GRIK4: variants seen among roughly 807,000 people sequenced by gnomAD.
GRIK4 encodes glutamate receptor ionotropic, kainate 4.
GRIK4 carries 40 observed loss-of-function variants against 104.9 expected under a neutral mutation model. The observed-to-expected ratio is 0.38, with a 90% CI of 0.30 to 0.50. The LOEUF is 0.50. GRIK4 is among the 20% of genes least tolerant of loss of function. The probability of loss-of-function intolerance (pLI) is 0.93; values close to 1 mark genes in which losing one functional copy is unlikely to be tolerated. For missense variants in GRIK4, 1,047 were observed against 1,308.1 expected (o/e 0.80, Z 3.08); for synonymous variants, 485 against 524.9 (o/e 0.92, Z 1.04).
rs535318201 is a variant in GRIK4 at position 120,513,897 on chromosome 11, G to C, written c.-159+2010G>C. ...CTTCCCCAGCAATGAAAATTCTTCC[G>C]AGAGCCTGGGTCGGCTTCGTGGTCT... On this transcript the variant is annotated intron_variant, in intron 1 of 20. Transcript: ENST00000527524. This position sits in a 1 kb window ranked among gnomAD's most constrained non-coding sequence, Gnocchi z 4.5. 6.6e-6 allele frequency among the ~76,000 whole-genome samples: 1 copy of C among 152,184 alleles called. No individual in the cohort carries two copies. Among genetic ancestry groups the C allele is most frequent in the Non-Finnish European group, 1.5e-5 (1 of 68,022 alleles).
chr11:120,650,741 A>G (rs1339003546), intron 1 of GRIK4, among the ~76,000 whole-genome samples: 1 of 152,232 alleles, frequency 6.6e-6, no homozygotes, highest in East Asian at 1.9e-4. Context: ...AGTAGTATTC[A>G]CTGAATAAAG....
intron 1 of GRIK4, among the ~76,000 whole-genome samples, chr11:120,616,676 G>T (rs1469359427): frequency 6.6e-6 from 1 of 152,256 alleles, no homozygotes; most frequent in East Asian, 1.9e-4. Flanking sequence ...CTCCAAAGGT[G>T]TCGGAAAACC....
intron 8 of GRIK4, among the ~76,000 whole-genome samples, chr11:120,855,780 C>T (rs1565394893): frequency 2.0e-5 from 3 of 152,216 alleles, no homozygotes; most frequent in Non-Finnish European, 2.9e-5. Flanking sequence ...CCAGGCTGGT[C>T]CCGGACTCCT....
chr11:120,887,382 A>G (rs1252263416), intron 11 of GRIK4, among the ~76,000 whole-genome samples: 1 of 152,218 alleles, frequency 6.6e-6, no homozygotes, highest in Non-Finnish European at 1.5e-5. Flanking sequence ...AAAGTAAAAA[A>G]GAATAAGCCC....
At chr11:120,849,160 C>T (rs928892713) in intron 8 of GRIK4, among the ~76,000 whole-genome samples, 12 of 151,172 alleles carry the variant, frequency 7.9e-5, no homozygotes, top group African/African-American at 1.9e-4. Flanking sequence ...GCCCCCAACG[C>T]GCGCACACAC....
In GRIK4 at chr11:120,819,763, C is replaced by G. The variant is rs1953061077; in HGVS notation, c.354C>G (p.His118Gln). 6.2e-7 allele frequency: 1 copy of G among 1,614,196 alleles called. No individual in the cohort carries two copies. Reference sequence around the variant, plus strand: ...TTTGCTCCTCTTGCCAGGTCCCTCACTTCAAAGTGGCCCCAGAGGAGTTCG... The same window carrying G: ...TTTGCTCCTCTTGCCAGGTCCCTCAGTTCAAAGTGGCCCCAGAGGAGTTCG... ...SNICGEKEVP[H>Q]FKVAPEEFVK... Residue 118 changes from histidine (H) to glutamine (Q), a missense_variant, in exon 6 of 21, where the codon CAC becomes CAG. His to Gln is a conservative substitution (Grantham distance 24). This residue lies in a region of GRIK4 where 447 missense variants were observed against 514.9 expected (regional missense o/e 0.87). Coordinates refer to ENST00000527524, the MANE Select transcript of GRIK4 (RefSeq NM_014619.5). The surrounding 1 kb of genome is among the most constrained non-coding windows in gnomAD (Gnocchi z 4.3).
Position 120,584,410 on chromosome 11 carries a change from C to T in GRIK4, c.-158-69275C>T, listed in dbSNP as rs146794402. ...AGGAAGCATGGTGCTGGTATCTGCT[C>T]AGCTTCTAGGGAGGCCTCAGGAAGC... On this transcript the variant is annotated intron_variant, in intron 1 of 20. Transcript: ENST00000527524. 8.0e-3 allele frequency among the ~76,000 whole-genome samples: 1,215 copies of T among 152,316 alleles called. 6 individuals carry two copies. The highest frequency in any genetic ancestry group is 0.014 in the Non-Finnish European group (935 of 68,026).
chr11:120,696,210 G>GA (rs2135320789), intron 3 of GRIK4, among the ~76,000 whole-genome samples: 1 of 152,316 alleles, frequency 6.6e-6, no homozygotes, highest in Non-Finnish European at 1.5e-5. Context: ...CCCTGGGAGT[G>GA]CAGAGCGAGA....
intron 3 of GRIK4, among the ~76,000 whole-genome samples, chr11:120,795,127 A>G (rs1952485323): frequency 6.6e-6 from 1 of 152,240 alleles, no homozygotes; most frequent in Non-Finnish European, 1.5e-5. Context: ...AGACAGTGTT[A>G]TAGATACTGC....
chr11:120,736,054 C>T (rs61901404), intron 3 of GRIK4, among the ~76,000 whole-genome samples: 13,409 of 152,134 alleles, frequency 0.088, 831 homozygotes, highest in Middle Eastern at 0.15. Flanking sequence ...TAACTGAAGC[C>T]AGTACATCTT....
chr11:120,644,331 G>A (rs1949513902), intron 1 of GRIK4, among the ~76,000 whole-genome samples: 1 of 152,214 alleles, frequency 6.6e-6, no homozygotes, highest in Admixed American at 6.5e-5. Flanking sequence ...CGGGAATGTG[G>A]TACCGTTGTG....
chr11:120,795,773 AGT>A lies in GRIK4; in HGVS notation c.83-6919_83-6918del, dbSNP rs1332595828. Among the ~76,000 whole-genome samples the A allele has an allele frequency of 3.9e-5, 6 of 152,244 alleles. No homozygotes were observed. The East Asian group carries it at 1.2e-3, about 29-fold the overall frequency. On this transcript the variant is annotated intron_variant, in intron 3 of 20. Transcript: ENST00000527524. ...AGAGGGATTACTCTGGGTTTTTTTA[AGT>A]ACAGCCATCTCTCAGTATCCACTGG...
At chr11:120,672,095 C>T (rs1475769457) in intron 3 of GRIK4, among the ~76,000 whole-genome samples, 1 of 152,142 alleles carries the variant, frequency 6.6e-6, no homozygotes, top group Non-Finnish European at 1.5e-5. Context: ...TTAGGATCGT[C>T]TTGGCTATAC....
intron 3 of GRIK4, among the ~76,000 whole-genome samples, chr11:120,733,147 T>C (rs1366805514): frequency 6.6e-6 from 1 of 152,206 alleles, no homozygotes; most frequent in African/African-American, 2.4e-5. Context: ...GTCTAATATA[T>C]GTATAGCTAC....
At chr11:120,915,014 C>T (rs1943075864) in intron 13 of GRIK4, among the ~76,000 whole-genome samples, 2 of 152,112 alleles carry the variant, frequency 1.3e-5, no homozygotes, top group African/African-American at 2.4e-5. Flanking sequence ...AGGGAGCTCC[C>T]CTTTCCTGTA....
chr11:120,687,640 T>C (rs1466507359), intron 3 of GRIK4, among the ~76,000 whole-genome samples: 1 of 152,232 alleles, frequency 6.6e-6, no homozygotes, highest in Non-Finnish European at 1.5e-5. Context: ...GTACCTGCTG[T>C]GATCTTCCTC....
chr11:120,690,423 G>A (rs1024850640), intron 3 of GRIK4, among the ~76,000 whole-genome samples: 32 of 152,230 alleles, frequency 2.1e-4, no homozygotes, highest in African/African-American at 7.7e-4. Flanking sequence ...ACATGGGGCT[G>A]AAACCTGTGA....
chr11:120,707,715 G>C (rs1030886692), intron 3 of GRIK4, among the ~76,000 whole-genome samples: 7 of 152,214 alleles, frequency 4.6e-5, no homozygotes, highest in African/African-American at 1.4e-4. Context: ...TGGGCAGCTA[G>C]ACAGGGAGCT....
chr11:120,685,045 A>G (rs1228849124), intron 3 of GRIK4, among the ~76,000 whole-genome samples: 1 of 152,168 alleles, frequency 6.6e-6, no homozygotes, highest in Non-Finnish European at 1.5e-5. Context: ...AATGGAAGGG[A>G]ACCTCTGAGT....
Sources: allele counts gnomAD v4.1 joint callset (sites outside exome capture counted in the v4.1 genomes callset), GRCh38; gene constraint gnomAD v4.1.1; regional missense constraint gnomAD v4.1.1; non-coding constraint Gnocchi (gnomAD v3.1); transcripts MANE v1.5; gene names NCBI Gene and HGNC (gene_info 2026-07-23, HGNC 2026-07-21).